Variants in PIGK observed in about 807,000 individuals in gnomAD.
The protein encoded by PIGK is phosphatidylinositol glycan anchor biosynthesis class K.
A neutral mutation model predicts 50.6 loss-of-function variants in PIGK; 42 were observed. The observed-to-expected ratio is 0.83, with a 90% CI of 0.65 to 1.07. The LOEUF (loss-of-function observed/expected upper bound fraction) is 1.07, where lower values mean the gene tolerates loss of function less well. Among genes scored for constraint, PIGK ranks in the 50% least tolerant of loss-of-function variants. The probability of loss-of-function intolerance (pLI) is 0.00; values close to 1 mark genes in which losing one functional copy is unlikely to be tolerated. For synonymous variants in PIGK, 151 were observed against 156.0 expected (o/e 0.97, Z 0.24); for missense variants, 448 against 488.7 (o/e 0.92, Z 0.78).
At chr1:77,189,516 T>C (rs1161582615) in intron 3 of PIGK, among the ~76,000 whole-genome samples, 1 of 151,820 alleles carries the variant, frequency 6.6e-6, no homozygotes, top group African/African-American at 2.4e-5. Flanking sequence ...CAGAAAAACA[T>C]GAAAGACTAG....
At chr1:77,186,482 A>C (rs1655744519) in intron 3 of PIGK, among the ~76,000 whole-genome samples, 1 of 152,244 alleles carries the variant, frequency 6.6e-6, no homozygotes. Context: ...GACTTGGAAG[A>C]AGCATGATTG....
At chr1:77,096,933 GT>G (rs1653423993) in intron 10 of PIGK, among the ~76,000 whole-genome samples, 1 of 80,704 alleles carries the variant, frequency 1.2e-5, no homozygotes, top group South Asian at 3.7e-4. Context: ...TGTTTTGTTT[GT>G]TTTTTTAATT....
intron 10 of PIGK, among the ~76,000 whole-genome samples, chr1:77,120,127 A>G (rs1654062717): frequency 3.9e-5 from 6 of 152,228 alleles, no homozygotes; most frequent in Admixed American, 3.9e-4. Flanking sequence ...CAATAATGCT[A>G]TAATTTAGAT....
intron 10 of PIGK, among the ~76,000 whole-genome samples, chr1:77,105,274 G>C (rs894557835): frequency 2.0e-5 from 3 of 151,570 alleles, no homozygotes; most frequent in Non-Finnish European, 4.4e-5. Context: ...TATAAGCACA[G>C]GATGGGGGTG....
At chr1:77,198,318 C>T (rs867237242) in intron 3 of PIGK, among the ~76,000 whole-genome samples, 93 of 152,088 alleles carry the variant, frequency 6.1e-4, no homozygotes, top group African/African-American at 2.0e-3. Flanking sequence ...GTAAACATCA[C>T]GTTACCTCTC....
intron 10 of PIGK, among the ~76,000 whole-genome samples, chr1:77,116,583 TGTGTGTGTGTGTGC>T (rs1317240746): frequency 4.5e-4 from 48 of 105,994 alleles, no homozygotes; most frequent in Middle Eastern, 5.2e-3. Flanking sequence ...TGTGTGTGTG[TGTGTGTGTGTGTGC>T]GCGTGTGTGT....
intron 10 of PIGK, among the ~76,000 whole-genome samples, chr1:77,096,881 C>CTTTTTTTTTTTT (rs141858558): frequency 4.0e-5 from 5 of 124,310 alleles, no homozygotes; most frequent in African/African-American, 9.2e-5. Flanking sequence ...TCGGGTTTTT[C>CTTTTTTTTTTTT]TTTTTTTTTT....
At chr1:77,186,799 C>T (rs905224425) in intron 3 of PIGK, among the ~76,000 whole-genome samples, 1 of 152,180 alleles carries the variant, frequency 6.6e-6, no homozygotes, top group Non-Finnish European at 1.5e-5. Flanking sequence ...ATGGCCACTG[C>T]TGAGTGCCCA....
At chr1:77,218,484 G>A (rs1319005454) in intron 1 of PIGK, among the ~76,000 whole-genome samples, 6 of 152,154 alleles carry the variant, frequency 3.9e-5, no homozygotes, top group Non-Finnish European at 8.8e-5. Context: ...AGACTCTCAG[G>A]TTTCTAGCTT....
intron 10 of PIGK, among the ~76,000 whole-genome samples, chr1:77,115,944 A>G (rs547290340): frequency 6.6e-6 from 1 of 152,302 alleles, no homozygotes; most frequent in East Asian, 1.9e-4. Context: ...TATCTGAAAT[A>G]GGGGGAACCA....
intron 10 of PIGK, among the ~76,000 whole-genome samples, chr1:77,118,771 T>C (rs374911556): frequency 5.3e-5 from 8 of 152,216 alleles, no homozygotes; most frequent in African/African-American, 1.4e-4. Flanking sequence ...TTATCATTTA[T>C]ATAAACCATA....
rs58904165 is a variant in PIGK, at chr1:77,200,738, A to C, written c.239+5902T>G. 3.0e-3 allele frequency among the ~76,000 whole-genome samples: 454 copies of C among 152,312 alleles called. 4 individuals are homozygous for C. Among genetic ancestry groups the C allele is most frequent in the African/African-American group, 0.011 (443 of 41,582 alleles). ...ACAGTAATGCTCTGGCCATAAAGTC[A>C]GAAGACCTGAATTCAAATTGTGATC... On this transcript the variant is annotated intron_variant, in intron 3 of 10. Transcript: ENST00000370812.
chr1:77,139,032 T>C (rs1196464473), intron 9 of PIGK, among the ~76,000 whole-genome samples: 3 of 152,098 alleles, frequency 2.0e-5, no homozygotes, highest in Non-Finnish European at 4.4e-5. Flanking sequence ...CACTCTCTGA[T>C]TGAGGGTAAA....
intron 2 of PIGK, among the ~76,000 whole-genome samples, chr1:77,209,176 C>T (rs1656358440): frequency 2.0e-5 from 3 of 152,068 alleles, no homozygotes; most frequent in Non-Finnish European, 4.4e-5. Flanking sequence ...AATCCTTGTA[C>T]ATGTTTTTTC....
rs556530248 is a variant in PIGK, at chr1:77,152,395, T to C, written c.986+2054A>G. The stretch of plus-strand genomic sequence containing the variant: ...AATCTAAGACCTGAAACTGTGACAC[T>C]ACTAAAAGGAAACACTGGGGAAATG... On this transcript the variant is annotated intron_variant, in intron 9 of 10. Coordinates refer to ENST00000370812, the MANE Select transcript of PIGK (RefSeq NM_005482.3). Among the ~76,000 whole-genome samples, 4 of 152,084 alleles carry C rather than the reference T, an allele frequency of 2.6e-5. No homozygotes were observed. The East Asian group carries it at 7.7e-4, about 29-fold the overall frequency.
intron 9 of PIGK, among the ~76,000 whole-genome samples, chr1:77,150,879 C>T (rs1654881149): frequency 6.6e-6 from 1 of 152,052 alleles, no homozygotes; most frequent in Admixed American, 6.6e-5. Flanking sequence ...AAGAAAAGCT[C>T]AGGACCTGAT....
At chr1:77,209,074 C>T (rs559450645) in intron 2 of PIGK, among the ~76,000 whole-genome samples, 2 of 152,216 alleles carry the variant, frequency 1.3e-5, no homozygotes, top group South Asian at 2.1e-4. Context: ...CTTTGAGATG[C>T]TGTACATTCT....
chr1:77,119,112 G>A (rs1390628417), intron 10 of PIGK, among the ~76,000 whole-genome samples: 3 of 152,146 alleles, frequency 2.0e-5, no homozygotes, highest in Non-Finnish European at 4.4e-5. Context: ...GGTAAAACCA[G>A]TGCCTCTCTT....
intron 8 of PIGK, among the ~76,000 whole-genome samples, chr1:77,155,778 C>A (rs1434287769): frequency 2.6e-5 from 4 of 152,112 alleles, no homozygotes; most frequent in Non-Finnish European, 1.5e-5. Flanking sequence ...CACCTATCCA[C>A]CTGTAGAGAT....
Sources: gnomAD v4.1 joint callset for allele counts (sites outside exome capture counted in the v4.1 genomes callset) on GRCh38, gnomAD v4.1.1 for gene constraint, MANE v1.5 for transcripts, NCBI Gene and HGNC (gene_info 2026-07-23, HGNC 2026-07-21) for gene names.